TENM4: variants seen among roughly 807,000 people sequenced by gnomAD.
TENM4 encodes teneurin transmembrane protein 4.
A neutral mutation model predicts 243.3 loss-of-function variants in TENM4; 82 were observed. The ratio of observed to expected loss-of-function variants is 0.34; its 90% CI spans 0.28 to 0.40. The LOEUF is 0.40. TENM4 is among the 10% of genes least tolerant of loss of function. TENM4 has a pLI of 1.00. For missense variants in TENM4, 3,138 were observed against 3,673.3 expected (o/e 0.85, Z 3.77); for synonymous variants, 1,412 against 1,456.3 (o/e 0.97, Z 0.69).
intron 20 of TENM4, among the ~76,000 whole-genome samples, chr11:78,735,595 A>C (rs1272825660): frequency 6.6e-6 from 1 of 152,216 alleles, no homozygotes; most frequent in Non-Finnish European, 1.5e-5. Flanking sequence ...TGCTTTGGAC[A>C]TGAATGTGAA....
At chr11:79,331,448 G>A (rs1303014558) in intron 1 of TENM4, among the ~76,000 whole-genome samples, 1 of 152,158 alleles carries the variant, frequency 6.6e-6, no homozygotes, top group Admixed American at 6.5e-5. Flanking sequence ...TCAGTGGGTT[G>A]CAGGGAGGCC....
chr11:78,928,929 T>C (rs1016209944), intron 6 of TENM4, among the ~76,000 whole-genome samples: 2 of 152,182 alleles, frequency 1.3e-5, no homozygotes, highest in Non-Finnish European at 2.9e-5. Flanking sequence ...TCCTACAGTT[T>C]TGTGTCTGCA....
intron 6 of TENM4, among the ~76,000 whole-genome samples, chr11:79,044,276 T>G (rs1386981062): frequency 5.3e-5 from 8 of 152,208 alleles, no homozygotes; most frequent in Admixed American, 5.2e-4. Context: ...ACATAAAGAA[T>G]GTCATTCCAA....
intron 1 of TENM4, among the ~76,000 whole-genome samples, chr11:79,313,569 A>G (rs911620423): frequency 6.6e-6 from 1 of 152,180 alleles, no homozygotes; most frequent in Admixed American, 6.5e-5. Context: ...GGATCTGGAA[A>G]TCAGACTCCT....
At chr11:78,905,839 G>A (rs1010870695) in intron 6 of TENM4, among the ~76,000 whole-genome samples, 6 of 152,246 alleles carry the variant, frequency 3.9e-5, no homozygotes, top group East Asian at 1.9e-4. Context: ...AGTATTGGAC[G>A]AGAAAGAAGG....
chr11:78,997,854 G>A (rs1316392960), intron 6 of TENM4, among the ~76,000 whole-genome samples: 1 of 152,210 alleles, frequency 6.6e-6, no homozygotes, highest in Non-Finnish European at 1.5e-5. Context: ...ATTAGGTTTA[G>A]ATGAAGTAAT....
intron 1 of TENM4, among the ~76,000 whole-genome samples, chr11:79,411,237 G>T (rs1354551047): frequency 6.6e-6 from 1 of 152,164 alleles, no homozygotes; most frequent in Non-Finnish European, 1.5e-5. Context: ...AAATCTAGAG[G>T]CCACAGTGGC....
intron 14 of TENM4, among the ~76,000 whole-genome samples, chr11:78,807,867 A>G (rs7109194): frequency 0.038 from 5,783 of 152,308 alleles, 368 homozygotes; most frequent in African/African-American, 0.13. Context: ...GTCCAATTAC[A>G]TAACTGCTCT....
intron 6 of TENM4, among the ~76,000 whole-genome samples, chr11:79,028,230 A>G (rs1213869280): frequency 1.3e-5 from 2 of 152,248 alleles, no homozygotes; most frequent in African/African-American, 4.8e-5. Context: ...CCCAATAAAT[A>G]TGAGTTGCCA....
intron 6 of TENM4, among the ~76,000 whole-genome samples, chr11:78,927,912 C>T (rs1856585686): frequency 6.6e-6 from 1 of 152,102 alleles, no homozygotes; most frequent in Non-Finnish European, 1.5e-5. Context: ...GTGATAGCCA[C>T]AGCTTCCATT....
intron 28 of TENM4, among the ~76,000 whole-genome samples, chr11:78,693,212 A>G (rs1165844647): frequency 6.6e-6 from 1 of 152,198 alleles, no homozygotes; most frequent in African/African-American, 2.4e-5. Context: ...GAGGTGGAGA[A>G]AGGTCACTAA....
At chr11:79,394,399 C>T (rs770974591) in intron 1 of TENM4, among the ~76,000 whole-genome samples, 16 of 152,152 alleles carry the variant, frequency 1.1e-4, no homozygotes, top group African/African-American at 2.4e-5. Flanking sequence ...AGGTCCTCCT[C>T]CTTCTGTCAC....
At chr11:79,120,003 T>C (rs764312999) in intron 4 of TENM4, among the ~76,000 whole-genome samples, 3 of 152,198 alleles carry the variant, frequency 2.0e-5, no homozygotes, top group Non-Finnish European at 4.4e-5. Context: ...AATCCAACTG[T>C]CTGGGTCCCC....
At chr11:78,766,405 G>A (rs1856539882) in intron 18 of TENM4, among the ~76,000 whole-genome samples, 1 of 152,208 alleles carries the variant, frequency 6.6e-6, no homozygotes, top group Non-Finnish European at 1.5e-5. Context: ...GAAGATGCAT[G>A]TGTCTGTACC....
chr11:78,924,381 T>A (rs617794), intron 6 of TENM4: 50,132 of 152,136 alleles, frequency 0.33, 9,683 homozygotes, highest in African/African-American at 0.53. Context: ...CTTTTATGTG[T>A]CACAATATAT....
At chr11:78,858,318 C>T (rs527814665) in intron 10 of TENM4, among the ~76,000 whole-genome samples, 3 of 152,080 alleles carry the variant, frequency 2.0e-5, no homozygotes, top group South Asian at 2.1e-4. Context: ...TAGTATTTCA[C>T]CTAGATGGGC....
At chr11:79,079,349 C>T (rs1315182412) in intron 4 of TENM4, among the ~76,000 whole-genome samples, 1 of 152,202 alleles carries the variant, frequency 6.6e-6, no homozygotes, top group Non-Finnish European at 1.5e-5. Flanking sequence ...GGAGGGCTCC[C>T]CCCAGAGCTG....
At chr11:79,049,909 G>A (rs1206225455) in intron 6 of TENM4, among the ~76,000 whole-genome samples, 1 of 152,188 alleles carries the variant, frequency 6.6e-6, no homozygotes, top group Non-Finnish European at 1.5e-5. Context: ...GGCTTCCTCC[G>A]AACTTTGTCC....
intron 2 of TENM4, among the ~76,000 whole-genome samples, chr11:79,277,914 T>A (rs564141761): frequency 1.3e-5 from 2 of 152,186 alleles, no homozygotes; most frequent in African/African-American, 4.8e-5. Context: ...AGAGAGCAAA[T>A]TGAACATGTA....
Sources: gnomAD v4.1 joint callset for allele counts (sites outside exome capture counted in the v4.1 genomes callset) on GRCh38, gnomAD v4.1.1 for gene constraint, MANE v1.5 for transcripts, NCBI Gene and HGNC (gene_info 2026-07-23, HGNC 2026-07-21) for gene names.